The following IQGAP2 variants were observed in gnomAD, a reference collection of about 807,000 sequenced individuals.
IQGAP2 encodes the protein IQ motif containing GTPase activating protein 2.
A neutral mutation model predicts 201.3 loss-of-function variants in IQGAP2; 173 were observed. The ratio of observed to expected loss-of-function variants is 0.86; its 90% CI spans 0.76 to 0.98. The LOEUF is 0.98. Among genes scored for constraint, IQGAP2 ranks in the 50% least tolerant of loss-of-function variants. IQGAP2 has a pLI of 0.00. For synonymous variants in IQGAP2, 675 were observed against 673.9 expected (o/e 1.00, Z -0.03); for missense variants, 1,687 against 1,864.8 (o/e 0.90, Z 1.76).
rs112142327 is a variant in IQGAP2, at chr5:76,446,890, TCTCTGGCCTGTGTTTTCC to T, written c.47-14657_47-14640del. 7.9e-4 allele frequency among the ~76,000 whole-genome samples: 120 copies of T among 152,352 alleles called. 2 individuals carry two copies. The highest frequency in any genetic ancestry group is 2.7e-3 in the African/African-American group (112 of 41,584). On this transcript the variant is annotated intron_variant, in intron 1 of 35. Transcript: ENST00000274364. ...GATGGAATGAGAAAGTTCTGGTTCC[TCTCTGGCCTGTGTTTTCC>T]CTCTGGCCTGTGTTTTCCCTCTTGA... is the stretch of plus-strand genomic sequence containing the variant.
At chr5:76,611,691 G>A (rs1002846405) in intron 13 of IQGAP2, among the ~76,000 whole-genome samples, 9 of 152,168 alleles carry the variant, frequency 5.9e-5, no homozygotes, top group Non-Finnish European at 8.8e-5. Context: ...TGAGATTGTC[G>A]GGGACTAGAA....
chr5:76,550,456 A>C lies in IQGAP2; in HGVS notation c.147-11940A>C, dbSNP rs565823042. On this transcript the variant is annotated intron_variant, in intron 2 of 35. Coordinates refer to ENST00000274364, the MANE Select transcript of IQGAP2 (RefSeq NM_006633.5). ...GTGGAGGGAAGGTCAGCAGATAAAC[A>C]TGTGAACAAGGGTCTCTGGTTTTCC... is the stretch of plus-strand genomic sequence containing the variant. 9.2e-5 allele frequency among the ~76,000 whole-genome samples: 14 copies of C among 151,648 alleles called. No individual in the cohort carries two copies. The South Asian group carries it at 1.7e-3, about 18-fold the overall frequency.
In IQGAP2 at chr5:76,592,934, T is replaced by A. The variant is rs778919768; in HGVS notation, c.907+9T>A. On this transcript the variant is annotated intron_variant, in intron 9 of 35. Coordinates refer to ENST00000274364, the MANE Select transcript of IQGAP2 (RefSeq NM_006633.5). ...TATTAATAAAGTCAACAGTAAGTAATGGATCGTATGAAGGAAATTGATATT... is the reference window on the plus strand; with the variant it reads ...TATTAATAAAGTCAACAGTAAGTAAAGGATCGTATGAAGGAAATTGATATT... 6.5e-7 allele frequency: 1 copy of A among 1,544,780 alleles called. No homozygotes were observed. The highest frequency in any genetic ancestry group is 2.2e-5 in the East Asian group (1 of 44,532).
At chr5:76,602,266 T>G (rs535720600) in intron 11 of IQGAP2, among the ~76,000 whole-genome samples, 2 of 152,310 alleles carry the variant, frequency 1.3e-5, no homozygotes, top group East Asian at 3.9e-4. Flanking sequence ...TGCCATACTT[T>G]CTCAGTGCTA....
chr5:76,596,015 T>C (rs557009841), intron 9 of IQGAP2, among the ~76,000 whole-genome samples: 1 of 152,292 alleles, frequency 6.6e-6, no homozygotes, highest in South Asian at 2.1e-4. Flanking sequence ...ATTTTAAAGA[T>C]AGAAATGCTA....
intron 1 of IQGAP2, among the ~76,000 whole-genome samples, chr5:76,446,980 C>G (rs972886402): frequency 6.6e-6 from 1 of 152,232 alleles, no homozygotes; most frequent in African/African-American, 2.4e-5. Context: ...GTGCCAGGGG[C>G]ACCAGTGCAT....
chr5:76,459,649 T>C (rs1212463593), intron 1 of IQGAP2, among the ~76,000 whole-genome samples: 1 of 151,008 alleles, frequency 6.6e-6, no homozygotes, highest in African/African-American at 2.5e-5. Context: ...AAATATAACT[T>C]TTTTTTTGAG....
At chr5:76,617,025 T>C (rs1446930419) in intron 13 of IQGAP2, 1 of 152,652 alleles carries the variant, frequency 6.6e-6, no homozygotes, top group Non-Finnish European at 1.5e-5. Flanking sequence ...CTCACAGAAA[T>C]AGGGAAGATG....
chr5:76,413,156 C>CT lies in IQGAP2; in HGVS notation c.46+9595dup, dbSNP rs567410789. On this transcript the variant is annotated intron_variant, in intron 1 of 35. Coordinates refer to ENST00000274364, the MANE Select transcript of IQGAP2 (RefSeq NM_006633.5). The stretch of plus-strand genomic sequence containing the variant: ...TATTTTCTTTTTTCTTTTCTTTTCT[C>CT]TTTTTTTTTTTTTTTTTTTTTTTTT... Among the ~76,000 whole-genome samples, 560 of 83,648 alleles carry CT rather than the reference C, an allele frequency of 6.7e-3. 35 individuals are homozygous for CT. Among genetic ancestry groups the CT allele is most frequent in the African/African-American group, 0.016 (300 of 19,264 alleles). 54.9% of individuals were successfully genotyped at this position (83,648 alleles called of 152,430 possible). A position where few individuals can be genotyped will look rare whatever the true frequency, so the allele number is the denominator to read the frequency against.
At position 76,403,630 on chromosome 5, in the gene IQGAP2, G is replaced by A. The variant is rs763338122; in HGVS notation, c.46+39G>A. 34 of 1,466,212 alleles carry A rather than the reference G, an allele frequency of 2.3e-5. No homozygotes were observed. In the South Asian group the frequency reaches 4.3e-4, roughly 19 times the overall value. The allele number at this position is 1,466,212 out of a possible 1,614,324, so 90.8% of individuals were successfully genotyped here. A position where few individuals can be genotyped will look rare whatever the true frequency, so the allele number is the denominator to read the frequency against. Reference sequence around the variant, plus strand: ...GCGCGCGGGGTTCCTGCTGGCCTTGGGGAGCTCCCTCCCCGAGGACGGCGT... The same window carrying A: ...GCGCGCGGGGTTCCTGCTGGCCTTGAGGAGCTCCCTCCCCGAGGACGGCGT... On this transcript the variant is annotated intron_variant, in intron 1 of 35. Coordinates refer to ENST00000274364, the MANE Select transcript of IQGAP2 (RefSeq NM_006633.5). This position sits in a 1 kb window ranked among gnomAD's most constrained non-coding sequence, Gnocchi z 4.8.
intron 2 of IQGAP2, among the ~76,000 whole-genome samples, chr5:76,549,156 C>T (rs960354379): frequency 8.5e-5 from 13 of 152,092 alleles, no homozygotes; most frequent in Non-Finnish European, 1.5e-4. Flanking sequence ...CTACTATATG[C>T]CAGGCACTGT....
At chr5:76,706,775 A>T (rs1227848608) in intron 35 of IQGAP2, among the ~76,000 whole-genome samples, 1 of 152,264 alleles carries the variant, frequency 6.6e-6, no homozygotes, top group Non-Finnish European at 1.5e-5. Context: ...TACAGCCCTT[A>T]TCAATTCCAA....
At chr5:76,650,232 A>G (rs1236327441) in intron 17 of IQGAP2, among the ~76,000 whole-genome samples, 1 of 152,232 alleles carries the variant, frequency 6.6e-6, no homozygotes, top group African/African-American at 2.4e-5. Context: ...TGTCCAGTTC[A>G]CATCTTTATA....
At chr5:76,568,389 C>CT (rs1744893830) in intron 3 of IQGAP2, among the ~76,000 whole-genome samples, 1 of 152,142 alleles carries the variant, frequency 6.6e-6, no homozygotes, top group Non-Finnish European at 1.5e-5. Flanking sequence ...CTTAGGTGCA[C>CT]TTTGCAACTA....
At chr5:76,603,360 C>A (rs760941604) in intron 11 of IQGAP2, among the ~76,000 whole-genome samples, 3 of 152,012 alleles carry the variant, frequency 2.0e-5, no homozygotes, top group Non-Finnish European at 4.4e-5. Flanking sequence ...GTTAAAGGAG[C>A]ATATGCCTTG....
In IQGAP2 at chr5:76,405,883, T is replaced by G. The variant is rs1268941581; in HGVS notation, c.46+2292T>G. On this transcript the variant is annotated intron_variant, in intron 1 of 35. Transcript: ENST00000274364. Reference sequence around the variant, plus strand: ...ATACAGTTTCAGTAAAACCTCAAATTATAAGAAACAGGTGTTACCCCTAGC... The same window carrying G: ...ATACAGTTTCAGTAAAACCTCAAATGATAAGAAACAGGTGTTACCCCTAGC... Among the ~76,000 whole-genome samples, 3 of 152,292 alleles carry G rather than the reference T, an allele frequency of 2.0e-5. No homozygotes were observed. The East Asian group carries it at 5.8e-4, about 29-fold the overall frequency.
intron 1 of IQGAP2, among the ~76,000 whole-genome samples, chr5:76,457,943 G>A (rs376664565): frequency 2.6e-5 from 4 of 152,270 alleles, no homozygotes; most frequent in African/African-American, 9.6e-5. Flanking sequence ...CATGTTTTTT[G>A]TGGTTCACGG....
At chr5:76,448,530 A>T (rs1753540511) in intron 1 of IQGAP2, among the ~76,000 whole-genome samples, 1 of 152,132 alleles carries the variant, frequency 6.6e-6, no homozygotes, top group African/African-American at 2.4e-5. Flanking sequence ...GGAGTACCTG[A>T]AGACTACTCC....
intron 31 of IQGAP2, 67 bp from the exon 32 acceptor site, chr5:76,695,387 G>T: frequency 7.5e-7 from 1 of 1,333,870 alleles, no homozygotes; most frequent in Non-Finnish European, 1.1e-6. Flanking sequence ...AACTTGCATT[G>T]TGTAGCTTAT....
Sources: gnomAD v4.1 joint callset for allele counts (sites outside exome capture counted in the v4.1 genomes callset) on GRCh38, gnomAD v4.1.1 for gene constraint, Gnocchi (gnomAD v3.1) non-coding constraint, MANE v1.5 for transcripts, NCBI Gene and HGNC (gene_info 2026-07-23, HGNC 2026-07-21) for gene names.